The following CNIH3 variants were observed in gnomAD, a reference collection of about 807,000 sequenced individuals.
CNIH3 encodes protein cornichon homolog 3.
Under a neutral mutation model 24.1 loss-of-function variants are expected in CNIH3, and 14 were observed. The ratio of observed to expected loss-of-function variants is 0.58; its 90% CI spans 0.38 to 0.91. The LOEUF is 0.91. CNIH3 is among the 40% of genes least tolerant of loss of function. CNIH3 has a pLI of 0.00. For missense variants in CNIH3, 178 were observed against 196.8 expected, an observed-to-expected ratio of 0.90 and a Z score of 0.57; for synonymous variants, 68 against 73.8, an observed-to-expected ratio of 0.92 and a Z score of 0.40.
At chr1:224,678,863 C>T (rs1312735822) in intron 1 of CNIH3, among the ~76,000 whole-genome samples, 1 of 151,970 alleles carries the variant, frequency 6.6e-6, no homozygotes, top group Non-Finnish European at 1.5e-5. Flanking sequence ...GAGAGGATAG[C>T]TCTAGAGGGC....
intron 4 of CNIH3, among the ~76,000 whole-genome samples, chr1:224,569,220 G>A (rs1461343974): frequency 1.3e-5 from 2 of 152,098 alleles, no homozygotes; most frequent in African/African-American, 4.8e-5. Flanking sequence ...ATTCCAAAAC[G>A]ACATGTTGTT....
At chr1:224,621,991 GCT>G (rs971230327) in intron 1 of CNIH3, among the ~76,000 whole-genome samples, 2 of 152,168 alleles carry the variant, frequency 1.3e-5, no homozygotes, top group African/African-American at 4.8e-5. Flanking sequence ...TCCTGCACAT[GCT>G]CTCTTGCTTG....
chr1:224,661,530 C>T, intron 1 of CNIH3: 1 of 336,320 alleles, frequency 3.0e-6, no homozygotes, highest in Admixed American at 3.3e-5. Flanking sequence ...CAAAGAAGTC[C>T]TCAAATAGAT....
At chr1:224,505,246 C>T (rs552394974) in intron 1 of CNIH3, among the ~76,000 whole-genome samples, 2 of 151,146 alleles carry the variant, frequency 1.3e-5, no homozygotes, top group South Asian at 4.2e-4. Flanking sequence ...CTTCAGTGAG[C>T]TGTGTTCATG....
chr1:224,690,210 T>C (rs1686863152), intron 3 of CNIH3, among the ~76,000 whole-genome samples: 1 of 152,188 alleles, frequency 6.6e-6, no homozygotes, highest in Non-Finnish European at 1.5e-5. Context: ...TTTTTATTTT[T>C]TATTTTTTGA....
chr1:224,575,145 G>A (rs984125616), intron 4 of CNIH3: 18 of 974,938 alleles, frequency 1.8e-5, no homozygotes, highest in Admixed American at 1.7e-5. Flanking sequence ...CAGGATCAAG[G>A]CGATCACAGC....
chr1:224,713,698 AAAGAG>A (rs1188478141), intron 3 of CNIH3, among the ~76,000 whole-genome samples: 3 of 152,260 alleles, frequency 2.0e-5, no homozygotes, highest in Non-Finnish European at 4.4e-5. Context: ...TATTGGAAGA[AAAGAG>A]AAAAGCATAA....
At chr1:224,511,290 C>T (rs1419792385), upstream of CNIH3, among the ~76,000 whole-genome samples, 2 of 152,200 alleles carry the variant, frequency 1.3e-5, no homozygotes, top group East Asian at 1.9e-4. Context: ...TTTCCCCAGA[C>T]CCTATTTAAT....
At chr1:224,496,241 A>C (rs1677433956) in intron 1 of CNIH3, among the ~76,000 whole-genome samples, 2 of 151,526 alleles carry the variant, frequency 1.3e-5, no homozygotes, top group South Asian at 4.2e-4. Context: ...ACCACCATCC[A>C]CTCGAGGAGG....
rs190714676 is a variant in CNIH3, at chr1:224,448,609, C to T, written n.203+13747C>T. Reference sequence around the variant, plus strand: ...ATCTATATTTAGACCAATAGTCATGCGTCCATGGTGATGGATCAGTGTGTG... The same window carrying T: ...ATCTATATTTAGACCAATAGTCATGTGTCCATGGTGATGGATCAGTGTGTG... On this transcript the variant is annotated intron_variant and non_coding_transcript_variant, in intron 1 of 5. Transcript: ENST00000471578. 3.6e-3 allele frequency among the ~76,000 whole-genome samples: 545 copies of T among 152,288 alleles called. 4 individuals carry two copies. Among genetic ancestry groups the T allele is most frequent in the African/African-American group, 0.012 (512 of 41,556 alleles).
chr1:224,472,483 G>A (rs183199252), intron 1 of CNIH3, among the ~76,000 whole-genome samples: 79 of 152,252 alleles, frequency 5.2e-4, no homozygotes, highest in African/African-American at 1.7e-3. Context: ...AATGACATTC[G>A]CAGCAACCTG....
At chr1:224,512,123 C>T (rs1226467808), upstream of CNIH3, among the ~76,000 whole-genome samples, 2 of 150,046 alleles carry the variant, frequency 1.3e-5, no homozygotes, top group East Asian at 2.0e-4. Flanking sequence ...TGCAGTGAGC[C>T]GAGATCGTGC....
intron 3 of CNIH3, among the ~76,000 whole-genome samples, chr1:224,707,753 G>T (rs928358534): frequency 3.3e-5 from 5 of 152,164 alleles, no homozygotes; most frequent in African/African-American, 1.2e-4. Context: ...CGAGAACCCC[G>T]GCTGTCAAGT....
At chr1:224,680,821 C>T in intron 1 of CNIH3, 137 bp from the exon 2 acceptor site, 1 of 665,162 alleles carries the variant, frequency 1.5e-6, no homozygotes, top group South Asian at 1.8e-5. Flanking sequence ...CGACAGTGAC[C>T]AGCTGCTGGC....
At chr1:224,729,412 CAAAAAAAAAAAA>C (rs1184318000) in intron 3 of CNIH3, among the ~76,000 whole-genome samples, 3 of 44,594 alleles carry the variant, frequency 6.7e-5, no homozygotes, top group South Asian at 8.8e-4. Flanking sequence ...ACTATGTCTC[CAAAAAAAAAAAA>C]AAAAAAAAAA....
At chr1:224,702,404 A>C (rs1320780926) in intron 3 of CNIH3, among the ~76,000 whole-genome samples, 1 of 152,142 alleles carries the variant, frequency 6.6e-6, no homozygotes, top group Non-Finnish European at 1.5e-5. Context: ...ACTTTTCTTA[A>C]AATTGTCAGA....
At chr1:224,452,949 C>T (rs561989546) in intron 1 of CNIH3, among the ~76,000 whole-genome samples, 19 of 151,270 alleles carry the variant, frequency 1.3e-4, no homozygotes, top group Non-Finnish European at 2.4e-4. Context: ...GGAGAAACCC[C>T]GTCTCTACTA....
intron 1 of CNIH3, among the ~76,000 whole-genome samples, chr1:224,452,502 C>T (rs987644563): frequency 6.6e-6 from 1 of 151,850 alleles, no homozygotes; most frequent in Non-Finnish European, 1.5e-5. Context: ...AAAGTGTTGG[C>T]CGGGCACGGT....
At chr1:224,446,653 T>C (rs1203132592) in intron 1 of CNIH3, among the ~76,000 whole-genome samples, 1 of 152,218 alleles carries the variant, frequency 6.6e-6, no homozygotes, top group Non-Finnish European at 1.5e-5. Flanking sequence ...AGGAGCTTCA[T>C]TTAAAAGTCT....
Sources: allele counts gnomAD v4.1 joint callset (sites outside exome capture counted in the v4.1 genomes callset), GRCh38; gene constraint gnomAD v4.1.1; transcripts MANE v1.5; gene names NCBI Gene and HGNC (gene_info 2026-07-23, HGNC 2026-07-21).